The following IQGAP2 variants were observed in gnomAD, a reference collection of about 807,000 sequenced individuals.
The protein encoded by IQGAP2 is IQ motif containing GTPase activating protein 2.
IQGAP2 carries 173 observed loss-of-function variants against 201.3 expected under a neutral mutation model. That is an observed-to-expected ratio of 0.86 (90% CI 0.76 to 0.98). The LOEUF (loss-of-function observed/expected upper bound fraction) is 0.98, where lower values mean the gene tolerates loss of function less well. Among genes scored for constraint, IQGAP2 ranks in the 50% least tolerant of loss-of-function variants. The pLI is 0.00. For synonymous variants in IQGAP2, 675 were observed against 673.9 expected (o/e 1.00, Z -0.03); for missense variants, 1,687 against 1,864.8 (o/e 0.90, Z 1.76).
At chr5:76,429,591 T>TATATATATTTATATATATACATATATAA (rs1561365003) in intron 1 of IQGAP2, among the ~76,000 whole-genome samples, 11 of 127,166 alleles carry the variant, frequency 8.7e-5, no homozygotes, top group Admixed American at 3.3e-4. Context: ...TTTATATATA[T>TATATATATTTATATATATACATATATAA]ATATATGTAT....
chr5:76,520,063 TC>T (rs1228258750), intron 2 of IQGAP2, among the ~76,000 whole-genome samples: 2 of 152,096 alleles, frequency 1.3e-5, no homozygotes, highest in Non-Finnish European at 2.9e-5. Context: ...TTTTTTTTTT[TC>T]ATTAATGGTT....
At chr5:76,496,755 TTCTTTCTTTCTTTCTTTCTTTCTTTC>T (rs1561416467) in intron 2 of IQGAP2, among the ~76,000 whole-genome samples, 2 of 80,212 alleles carry the variant, frequency 2.5e-5, no homozygotes, top group African/African-American at 1.1e-4. Flanking sequence ...CTTTCTTTCT[TTCTTTCTTTCTTTCTTTCTTTCTTTC>T]TTTCTTTCTT....
chr5:76,531,377 G>C (rs900066249), intron 2 of IQGAP2, among the ~76,000 whole-genome samples: 1 of 152,108 alleles, frequency 6.6e-6, no homozygotes, highest in Admixed American at 6.6e-5. Context: ...AGCAATCCAC[G>C]TGAGTAGCTA....
chr5:76,426,048 A>G (rs1751976490), intron 1 of IQGAP2, among the ~76,000 whole-genome samples: 1 of 152,288 alleles, frequency 6.6e-6, no homozygotes, highest in East Asian at 1.9e-4. Flanking sequence ...GTGTTTGCGC[A>G]GTTCTGGGTT....
At chr5:76,629,736 A>G (rs754745023) in intron 14 of IQGAP2, among the ~76,000 whole-genome samples, 68 of 152,294 alleles carry the variant, frequency 4.5e-4, no homozygotes, top group South Asian at 4.1e-4. Context: ...TAGGGGTTCT[A>G]TCACCTCCAC....
At chr5:76,675,744 A>G (rs1358809468) in intron 27 of IQGAP2, among the ~76,000 whole-genome samples, 3 of 152,124 alleles carry the variant, frequency 2.0e-5, no homozygotes, top group Non-Finnish European at 4.4e-5. Flanking sequence ...CTAGAAAACA[A>G]AGGTAGTTCA....
At chr5:76,560,148 A>C (rs1031535760) in intron 2 of IQGAP2, among the ~76,000 whole-genome samples, 1 of 152,132 alleles carries the variant, frequency 6.6e-6, no homozygotes, top group African/African-American at 2.4e-5. Context: ...AGAAATATGC[A>C]ATAGGAACTT....
intron 12 of IQGAP2, chr5:76,609,115 A>G: frequency 6.5e-7 from 1 of 1,535,824 alleles, no homozygotes; most frequent in Non-Finnish European, 8.7e-7. Flanking sequence ...ATTCTTAGAA[A>G]CGCAGCAGAC....
At chr5:76,536,913 G>C (rs771972868) in intron 2 of IQGAP2, among the ~76,000 whole-genome samples, 4 of 152,150 alleles carry the variant, frequency 2.6e-5, no homozygotes, top group Non-Finnish European at 4.4e-5. Flanking sequence ...GAAAATTGAA[G>C]ACATAAATAT....
intron 2 of IQGAP2, among the ~76,000 whole-genome samples, chr5:76,475,341 C>T (rs1245344105): frequency 3.3e-5 from 5 of 152,178 alleles, no homozygotes; most frequent in Non-Finnish European, 7.3e-5. Context: ...ATTTCTCCAA[C>T]AAGATAAAAG....
At chr5:76,503,464 C>T (rs1050031154) in intron 2 of IQGAP2, among the ~76,000 whole-genome samples, 10 of 151,932 alleles carry the variant, frequency 6.6e-5, no homozygotes, top group Non-Finnish European at 8.8e-5. Context: ...CATCAGCCAC[C>T]GCTCCTGGCT....
intron 2 of IQGAP2, among the ~76,000 whole-genome samples, chr5:76,562,093 T>G (rs909183757): frequency 6.6e-6 from 1 of 152,200 alleles, no homozygotes; most frequent in Non-Finnish European, 1.5e-5. Flanking sequence ...CTATACAAAA[T>G]GGTTTGGCCT....
intron 2 of IQGAP2, among the ~76,000 whole-genome samples, chr5:76,542,439 G>A (rs928968940): frequency 7.2e-5 from 11 of 152,290 alleles, no homozygotes; most frequent in African/African-American, 1.9e-4. Context: ...GTTCCTTACC[G>A]GTACCGGCCT....
chr5:76,673,409 A>AC (rs757184145), intron 24 of IQGAP2, 40 bp from the exon 25 acceptor site: 3 of 1,599,360 alleles, frequency 1.9e-6, no homozygotes, highest in Non-Finnish European at 2.6e-6. Flanking sequence ...TAATGCTTGT[A>AC]CCTAAGCCTC....
chr5:76,496,762 TTTCTTTCTTTC>T (rs1756985967), intron 2 of IQGAP2, among the ~76,000 whole-genome samples: 3 of 57,798 alleles, frequency 5.2e-5, no homozygotes, highest in Non-Finnish European at 1.1e-4. Flanking sequence ...TCTTTCTTTC[TTTCTTTCTTTC>T]TTTCTTTCTT....
intron 17 of IQGAP2, among the ~76,000 whole-genome samples, chr5:76,648,909 A>C (rs559473541): frequency 3.3e-5 from 5 of 152,222 alleles, no homozygotes; most frequent in Non-Finnish European, 7.3e-5. Flanking sequence ...CTCAGGGATC[A>C]GTGGGATTAT....
At chr5:76,483,659 G>C (rs775654060) in intron 2 of IQGAP2, among the ~76,000 whole-genome samples, 24 of 152,204 alleles carry the variant, frequency 1.6e-4, no homozygotes, top group Non-Finnish European at 3.4e-4. Context: ...ACTGCAGTAG[G>C]ACGGCACCTC....
chr5:76,671,994 C>A lies in IQGAP2; in HGVS notation c.3068+11C>A. On this transcript the variant is annotated intron_variant, in intron 24 of 35. Coordinates refer to ENST00000274364, the MANE Select transcript of IQGAP2 (RefSeq NM_006633.5). ...GACTGGAGAGGCCAGGTAATAGAAT[C>A]AGGAAGGTGTTGGTCTTCTGTTATG... is the stretch of plus-strand genomic sequence containing the variant. 1 of 1,577,714 alleles carries A rather than the reference C, an allele frequency of 6.3e-7. No individual in the cohort carries two copies. The highest frequency in any genetic ancestry group is 1.1e-5 in the South Asian group (1 of 89,680).
intron 17 of IQGAP2, among the ~76,000 whole-genome samples, chr5:76,647,755 C>T (rs1053263643): frequency 1.3e-5 from 2 of 151,652 alleles, no homozygotes; most frequent in African/African-American, 4.9e-5. Context: ...AGCCAAAGGA[C>T]CAAGAAAGAA....
Sources: allele counts gnomAD v4.1 joint callset (sites outside exome capture counted in the v4.1 genomes callset), GRCh38; gene constraint gnomAD v4.1.1; transcripts MANE v1.5; gene names NCBI Gene and HGNC (gene_info 2026-07-23, HGNC 2026-07-21).